The following MR1 variants were observed in gnomAD, a reference collection of about 807,000 sequenced individuals.
The protein encoded by MR1 is major histocompatibility complex, class I-related.
A neutral mutation model predicts 37.8 loss-of-function variants in MR1; 44 were observed. The observed-to-expected ratio is 1.16, with a 90% confidence interval of 0.91 to 1.50. The LOEUF (loss-of-function observed/expected upper bound fraction) is 1.50, where lower values mean the gene tolerates loss of function less well. MR1 is among the 40% of genes most tolerant of loss of function. The pLI, the probability that MR1 is intolerant of heterozygous loss-of-function variation, is 0.00. For synonymous variants in MR1, 153 were observed against 155.8 expected (o/e 0.98, Z 0.13); for missense variants, 386 against 419.1 (o/e 0.92, Z 0.69).
rs1658841685 is a variant in MR1, at chr1:181,060,297, C to CA, written c.*5035dup. ...CTACTGCAGGATGACCTCACCTTCC[C>CA]AAATTACATCTGCAACAACCCTATT... On this transcript the variant is annotated 3_prime_UTR_variant, in exon 6 of 6. Transcript: ENST00000367580. 1 of 152,156 alleles carries CA rather than the reference C, an allele frequency of 6.6e-6. No individual in the cohort carries two copies. Among genetic ancestry groups the CA allele is most frequent in the Non-Finnish European group, 1.5e-5 (1 of 68,032 alleles). The allele number at this position is 152,156 out of a possible 1,614,324, so 9.4% of individuals were successfully genotyped here.
rs759901314 is a variant in MR1 at position 181,050,144 on chromosome 1, A to G, written c.462A>G (p.Val154=). Residue 154 remains valine (V), a synonymous_variant, in exon 3 of 6, where the codon GTA becomes GTG. Transcript: ENST00000367580. ...FNKDTLSWLA[V]DNVAHTIKQA... ...AAGACACCCTCTCCTGGCTGGCTGTAGATAATGTGGCTCACACCATCAAGC... is the reference window on the plus strand; with the variant it reads ...AAGACACCCTCTCCTGGCTGGCTGTGGATAATGTGGCTCACACCATCAAGC... 6.2e-7 allele frequency: 1 copy of G among 1,614,256 alleles called. No homozygotes were observed. Among genetic ancestry groups the G allele is most frequent in the Admixed American group, 1.7e-5 (1 of 60,030 alleles).
Position 181,054,150 on chromosome 1 carries a change from A to G in MR1, c.985+473A>G, listed in dbSNP as rs889603408. 9.9e-5 allele frequency among the ~76,000 whole-genome samples: 15 copies of G among 152,234 alleles called. 1 individual carries two copies. The highest frequency in any genetic ancestry group is 8.5e-4 in the Admixed American group (13 of 15,284). On this transcript the variant is annotated intron_variant, in intron 5 of 5. Transcript: ENST00000367580. ...CAAAACATTAAATATGTAAGAGTAG[A>G]TACCTTCAGGGAATGGGACTTAGAG...
upstream of MR1, chr1:181,033,933 C>T: frequency 3.2e-6 from 4 of 1,254,876 alleles, no homozygotes; most frequent in Non-Finnish European, 3.4e-6. Context: ...TGGGAGAAGG[C>T]CTTGTGTGTC....
chr1:181,048,308 T>C (rs1425604448), intron 1 of MR1, among the ~76,000 whole-genome samples: 1 of 151,322 alleles, frequency 6.6e-6, no homozygotes, highest in Admixed American at 6.6e-5. Context: ...GGCCGAGGTG[T>C]GCAGATCATG....
chr1:181,053,990 A>G (rs1266393990), intron 5 of MR1, among the ~76,000 whole-genome samples: 1 of 152,196 alleles, frequency 6.6e-6, no homozygotes, highest in Non-Finnish European at 1.5e-5. Context: ...TTTCCAAACC[A>G]TCTTTTTATT....
chr1:181,047,608 A>C (rs1657971543), intron 1 of MR1, among the ~76,000 whole-genome samples: 1 of 149,834 alleles, frequency 6.7e-6, no homozygotes. Flanking sequence ...CAAAAAAATA[A>C]ATAAATAGGC....
Position 181,058,443 on chromosome 1 carries a change from G to C in MR1, c.*3178G>C, listed in dbSNP as rs1023540771. ...TTTTTGATGTGGTACATTTAAGGGA[G>C]AGAAAGCAGTTTAAAGAGCAGGGTG... is the stretch of plus-strand genomic sequence containing the variant. On this transcript the variant is annotated 3_prime_UTR_variant, in exon 6 of 6. Transcript: ENST00000367580. The C allele has an allele frequency of 6.6e-6, 1 of 152,114 alleles. No individual in the cohort carries two copies. The highest frequency in any genetic ancestry group is 1.5e-5 in the Non-Finnish European group (1 of 68,032). 9.4% of individuals were successfully genotyped at this position (152,114 alleles called of 1,614,324 possible). A position where few individuals can be genotyped will look rare whatever the true frequency, so the allele number is the denominator to read the frequency against.
chr1:181,061,656 G>A lies in MR1; in HGVS notation c.*6391G>A, dbSNP rs968607768. On this transcript the variant is annotated 3_prime_UTR_variant, in exon 6 of 6. Transcript: ENST00000367580. ...TGGAAATCTATTTTAAAAATTTTAT[G>A]TAATACTGCACAGTCTGTTTGCATG... The A allele has an allele frequency of 6.6e-6, 1 of 152,326 alleles. No individual in the cohort carries two copies. Among genetic ancestry groups the A allele is most frequent in the East Asian group, 1.9e-4 (1 of 5,194 alleles). 9.4% of individuals were successfully genotyped at this position (152,326 alleles called of 1,614,324 possible). A position where few individuals can be genotyped will look rare whatever the true frequency, so the allele number is the denominator to read the frequency against.
In MR1 at chr1:181,055,505, A is replaced by G; in HGVS notation, c.*240A>G. On this transcript the variant is annotated 3_prime_UTR_variant, in exon 6 of 6. Transcript: ENST00000367580. ...GACTGTTTTATCAGAGTTGACTTTA[A>G]ATACAGCTTGTCTCATGACACAACG... 1 of 531,750 alleles carries G rather than the reference A, an allele frequency of 1.9e-6. No homozygotes were observed. The highest frequency in any genetic ancestry group is 2.9e-5 in the South Asian group (1 of 34,496). 32.9% of individuals were successfully genotyped at this position (531,750 alleles called of 1,614,324 possible).
At position 181,049,079 on chromosome 1, in the gene MR1, T is replaced by C. The variant is rs1558118019; in HGVS notation, c.95T>C (p.Leu32Pro). 12 of 1,613,918 alleles carry C rather than the reference T, an allele frequency of 7.4e-6. No homozygotes were observed. The highest frequency in any genetic ancestry group is 1.3e-5 in the African/African-American group (1 of 74,948). Residue 32 changes from leucine (L) to proline (P), a missense_variant, in exon 2 of 6, where the codon CTG (leucine) becomes CCG (proline). By Grantham distance (98) the Leu-to-Pro change is moderately conservative. Transcript: ENST00000367580. Reference sequence around the variant, plus strand: ...ACGCACTCTCTGAGATATTTTCGCCTGGGCGTTTCGGATCCCATCCATGGG... The same window carrying C: ...ACGCACTCTCTGAGATATTTTCGCCCGGGCGTTTCGGATCCCATCCATGGG... ...SRTHSLRYFR[L>P]GVSDPIHGVP...
At chr1:181,053,698 A>T in intron 5 of MR1, 21 bp downstream of exon 5, 1 of 1,530,850 alleles carries the variant, frequency 6.5e-7, no homozygotes, top group Non-Finnish European at 9.1e-7. Context: ...CATGGAAGGG[A>T]TCCAGGGGGC....
At chr1:181,049,643 G>T in intron 2 of MR1, 1 of 490,718 alleles carries the variant, frequency 2.0e-6, no homozygotes, top group South Asian at 2.6e-5. Context: ...CTGGTAGTCA[G>T]GCCTAGTGAC....
rs11290542 is a variant in MR1 at position 181,057,120 on chromosome 1, C to CA, written c.*1866dup. The CA allele has an allele frequency of 3.5e-4, 53 of 149,506 alleles. No homozygotes were observed. The highest frequency in any genetic ancestry group is 5.1e-4 in the Non-Finnish European group (34 of 67,250). The allele number at this position is 149,506 out of a possible 1,614,324, so 9.3% of individuals were successfully genotyped here. A position where few individuals can be genotyped will look rare whatever the true frequency, so the allele number is the denominator to read the frequency against. On this transcript the variant is annotated 3_prime_UTR_variant, in exon 6 of 6. Coordinates refer to ENST00000367580, the MANE Select transcript of MR1 (RefSeq NM_001385161.1). Reference sequence around the variant, plus strand: ...GGGCAACGGAGCAAGACTCTGTCTCCAAAAAAAAAAAGAAAGATACCCTCA... The same window carrying CA: ...GGGCAACGGAGCAAGACTCTGTCTCCAAAAAAAAAAAAGAAAGATACCCTCA...
chr1:181,040,898 G>A (rs1571380706), intron 1 of MR1, among the ~76,000 whole-genome samples: 1 of 151,994 alleles, frequency 6.6e-6, no homozygotes, highest in African/African-American at 2.4e-5. Context: ...CCTGGCCAAC[G>A]TGGTGAAACC....
intron 2 of MR1, 29 bp downstream of exon 2, chr1:181,049,341 C>A (rs774600135): frequency 6.3e-7 from 1 of 1,592,068 alleles, no homozygotes; most frequent in Non-Finnish European, 8.6e-7. Flanking sequence ...CAGACGCTTC[C>A]CCCATCCCAC....
In MR1 at chr1:181,057,471, A is replaced by G. The variant is rs902502845; in HGVS notation, c.*2206A>G. On this transcript the variant is annotated 3_prime_UTR_variant, in exon 6 of 6. Transcript: ENST00000367580. ...ACATATTTACATAGACACAGGTGAT[A>G]ATGTATCTATGTAAATGCCTTTTGA... 1 of 152,186 alleles carries G rather than the reference A, an allele frequency of 6.6e-6. No individual in the cohort carries two copies. Among genetic ancestry groups the G allele is most frequent in the East Asian group, 1.9e-4 (1 of 5,200 alleles). The allele number at this position is 152,186 out of a possible 1,614,324, so 9.4% of individuals were successfully genotyped here.
rs897617318 is a variant in MR1, at chr1:181,056,028, T to C, written c.*763T>C. On this transcript the variant is annotated 3_prime_UTR_variant, in exon 6 of 6. Transcript: ENST00000367580. Reference sequence around the variant, plus strand: ...TTATCAGACATATCATCACCTCCAGTGGAACTACAGAGACCTGGACCCAGC... The same window carrying C: ...TTATCAGACATATCATCACCTCCAGCGGAACTACAGAGACCTGGACCCAGC... 2.0e-5 allele frequency: 3 copies of C among 152,196 alleles called. No individual in the cohort carries two copies. Among genetic ancestry groups the C allele is most frequent in the African/African-American group, 7.2e-5 (3 of 41,420 alleles). 9.4% of individuals were successfully genotyped at this position (152,196 alleles called of 1,614,324 possible).
chr1:181,055,323 C>T lies in MR1; in HGVS notation c.*58C>T. On this transcript the variant is annotated 3_prime_UTR_variant, in exon 6 of 6. Coordinates refer to ENST00000367580, the MANE Select transcript of MR1 (RefSeq NM_001385161.1). ...CTAGGAGCCATGTTATCCTCTGTCC[C>T]CCATAGAGTCAAGCCTAGTGCTTGA... 6.6e-7 allele frequency: 1 copy of T among 1,508,100 alleles called. No individual in the cohort carries two copies. The highest frequency in any genetic ancestry group is 9.2e-7 in the Non-Finnish European group (1 of 1,085,264). 93.4% of individuals were successfully genotyped at this position (1,508,100 alleles called of 1,614,324 possible).
intron 1 of MR1, among the ~76,000 whole-genome samples, chr1:181,034,640 C>T (rs1046522993): frequency 6.6e-6 from 1 of 151,952 alleles, no homozygotes; most frequent in African/African-American, 2.4e-5. Context: ...CCTTCTGTTG[C>T]CTCAAATAGG....
Sources: allele counts gnomAD v4.1 joint callset (sites outside exome capture counted in the v4.1 genomes callset), GRCh38; gene constraint gnomAD v4.1.1; transcripts MANE v1.5; gene names NCBI Gene and HGNC (gene_info 2026-07-23, HGNC 2026-07-21).